Variants in FSTL5 observed in about 807,000 individuals in gnomAD.
FSTL5 encodes follistatin-related protein 5.
A neutral mutation model predicts 89.1 loss-of-function variants in FSTL5; 62 were observed. The observed-to-expected ratio is 0.70, with a 90% CI of 0.57 to 0.86. The LOEUF is 0.86. Ranked by LOEUF, FSTL5 falls within the 40% of genes least tolerant of loss-of-function variation. The probability of loss-of-function intolerance (pLI) is 0.00; values close to 1 mark genes in which losing one functional copy is unlikely to be tolerated. For synonymous variants in FSTL5, 383 were observed against 346.2 expected (o/e 1.11, Z -1.18); for missense variants, 1,057 against 1,001.6 (o/e 1.06, Z -0.75).
In FSTL5 at chr4:161,385,546, C is replaced by T. The variant is rs1730589607; in HGVS notation, c.*201G>A. 2.0e-6 allele frequency: 1 copy of T among 499,340 alleles called. No individual in the cohort carries two copies. The highest frequency in any genetic ancestry group is 3.5e-6 in the Non-Finnish European group (1 of 285,796). 30.9% of individuals were successfully genotyped at this position (499,340 alleles called of 1,614,324 possible). ...ATGTGATTTCTCATTAAATATTGTG[C>T]TGAGTATTTCTAATTAACCAATATA... On this transcript the variant is annotated 3_prime_UTR_variant, in exon 16 of 16. Transcript: ENST00000306100.
intron 8 of FSTL5, among the ~76,000 whole-genome samples, chr4:161,560,455 G>T (rs1216559436): frequency 6.6e-6 from 1 of 151,574 alleles, no homozygotes; most frequent in Non-Finnish European, 1.5e-5. Context: ...CTGTAACTTT[G>T]TTACTTTTTA....
At chr4:161,590,676 A>G (rs2126610698) in intron 7 of FSTL5, among the ~76,000 whole-genome samples, 1 of 152,350 alleles carries the variant, frequency 6.6e-6, no homozygotes, top group East Asian at 1.9e-4. Flanking sequence ...AAGGATATGC[A>G]AATAAAAACC....
chr4:161,686,131 T>G, intron 6 of FSTL5, among the ~76,000 whole-genome samples: 1 of 151,244 alleles, frequency 6.6e-6, no homozygotes, highest in Non-Finnish European at 1.5e-5. Flanking sequence ...ATTAATTTTT[T>G]GATATGTTTT....
chr4:162,064,682 A>G (rs74636145), intron 2 of FSTL5, among the ~76,000 whole-genome samples: 10,670 of 151,988 alleles, frequency 0.07, 502 homozygotes, highest in East Asian at 0.16. Flanking sequence ...CTCAGCCTTT[A>G]TAATTGTGTG....
At chr4:162,139,555 G>T (rs888017352) in intron 1 of FSTL5, among the ~76,000 whole-genome samples, 1 of 151,832 alleles carries the variant, frequency 6.6e-6, no homozygotes, top group African/African-American at 2.4e-5. Context: ...TTTTTCCTGA[G>T]CAGACTTTGC....
intron 6 of FSTL5, among the ~76,000 whole-genome samples, chr4:161,697,366 A>G (rs1738205310): frequency 6.6e-6 from 1 of 152,152 alleles, no homozygotes; most frequent in African/African-American, 2.4e-5. Context: ...GTTTCAGGGG[A>G]AAAAATATTT....
At chr4:161,793,288 G>T (rs537173560) in intron 4 of FSTL5, among the ~76,000 whole-genome samples, 5 of 152,222 alleles carry the variant, frequency 3.3e-5, no homozygotes, top group Non-Finnish European at 5.9e-5. Context: ...CTGGTAGTGT[G>T]CCAGGCCTAG....
At chr4:161,394,436 C>T (rs541467432) in intron 15 of FSTL5, among the ~76,000 whole-genome samples, 67 of 152,054 alleles carry the variant, frequency 4.4e-4, no homozygotes, top group African/African-American at 1.5e-3. Context: ...CCACCGTGCC[C>T]GGCAAATTTT....
chr4:161,978,438 C>T (rs997093555), intron 3 of FSTL5, among the ~76,000 whole-genome samples: 4 of 151,950 alleles, frequency 2.6e-5, no homozygotes, highest in Non-Finnish European at 4.4e-5. Flanking sequence ...GATTAATATG[C>T]TTTATTTTTA....
intron 1 of FSTL5, among the ~76,000 whole-genome samples, chr4:162,146,784 G>A (rs1228553722): frequency 5.2e-5 from 5 of 95,556 alleles, no homozygotes; most frequent in African/African-American, 1.9e-4. Context: ...TTCTTTCTTT[G>A]TTTTCTTTTT....
intron 6 of FSTL5, among the ~76,000 whole-genome samples, chr4:161,703,905 TAA>T (rs1310560042): frequency 6.6e-6 from 1 of 152,140 alleles, no homozygotes; most frequent in Admixed American, 6.6e-5. Context: ...AAAACACAAA[TAA>T]AGTTTCATAG....
chr4:161,646,003 T>A (rs1736142033), intron 7 of FSTL5, among the ~76,000 whole-genome samples: 1 of 151,630 alleles, frequency 6.6e-6, no homozygotes, highest in Non-Finnish European at 1.5e-5. Flanking sequence ...TTTGATGGTA[T>A]CCTCTAATAC....
chr4:161,754,812 T>C (rs1740517397), intron 6 of FSTL5, among the ~76,000 whole-genome samples: 1 of 152,162 alleles, frequency 6.6e-6, no homozygotes, highest in Non-Finnish European at 1.5e-5. Context: ...AAATCGCTTA[T>C]ATTTACTGAC....
At chr4:161,408,241 G>A (rs1289693210) in intron 15 of FSTL5, among the ~76,000 whole-genome samples, 2 of 152,136 alleles carry the variant, frequency 1.3e-5, no homozygotes, top group Non-Finnish European at 1.5e-5. Flanking sequence ...ATGTGACTGA[G>A]TAAGAACCTA....
At chr4:161,419,495 C>A (rs552965012) in intron 15 of FSTL5, among the ~76,000 whole-genome samples, 91 of 152,296 alleles carry the variant, frequency 6.0e-4, no homozygotes, top group African/African-American at 2.0e-3. Flanking sequence ...TTTCTGACTA[C>A]CATGTCCTTA....
chr4:161,947,616 G>C (rs945514974), intron 3 of FSTL5, among the ~76,000 whole-genome samples: 14 of 151,886 alleles, frequency 9.2e-5, no homozygotes, highest in Non-Finnish European at 2.1e-4. Flanking sequence ...CTGTAGCTTT[G>C]TTATAAGTTT....
intron 6 of FSTL5, among the ~76,000 whole-genome samples, chr4:161,726,657 G>A (rs149022539): frequency 9.9e-5 from 15 of 152,112 alleles, no homozygotes; most frequent in East Asian, 1.9e-4. Flanking sequence ...GGACTATTAC[G>A]TAAAACACCA....
intron 10 of FSTL5, among the ~76,000 whole-genome samples, chr4:161,513,585 A>G (rs973166066): frequency 1.3e-5 from 2 of 152,172 alleles, no homozygotes; most frequent in African/African-American, 2.4e-5. Flanking sequence ...TATGAAATCA[A>G]CCTAAATCCC....
chr4:161,417,642 A>C (rs78500554), intron 15 of FSTL5, among the ~76,000 whole-genome samples: 1 of 152,212 alleles, frequency 6.6e-6, no homozygotes, highest in African/African-American at 2.4e-5. Flanking sequence ...CCTACCAAAT[A>C]CTACGTATCC....
Sources: gnomAD v4.1 joint callset for allele counts (sites outside exome capture counted in the v4.1 genomes callset) on GRCh38, gnomAD v4.1.1 for gene constraint, MANE v1.5 for transcripts, NCBI Gene and HGNC (gene_info 2026-07-23, HGNC 2026-07-21) for gene names.